MEF2C: variants seen among roughly 807,000 people sequenced by gnomAD.
MEF2C encodes the protein myocyte-specific enhancer factor 2C.
MEF2C carries 6 observed loss-of-function variants against 50.5 expected under a neutral mutation model. The ratio of observed to expected loss-of-function variants is 0.12; its 90% CI spans 0.07 to 0.23. MEF2C has a LOEUF of 0.23. Among genes scored for constraint, MEF2C ranks in the 10% least tolerant of loss-of-function variants. MEF2C has a pLI of 1.00. For missense variants in MEF2C, 276 were observed against 605.0 expected (o/e 0.46, Z 5.70); for synonymous variants, 183 against 228.0 (o/e 0.80, Z 1.78).
intron 7 of MEF2C, 123 bp downstream of exon 7, chr5:88,731,606 T>A: frequency 1.1e-6 from 1 of 882,340 alleles, no homozygotes; most frequent in Non-Finnish European, 1.8e-6. Flanking sequence ...GCTCTGTCAA[T>A]GGCACTGTTA....
chr5:88,764,713 C>T (rs1040048945), intron 3 of MEF2C, among the ~76,000 whole-genome samples: 1 of 146,096 alleles, frequency 6.8e-6, no homozygotes, highest in Non-Finnish European at 1.5e-5. Context: ...GAGGCTGACA[C>T]AGGAAAATCA....
intron 6 of MEF2C, chr5:88,734,204 G>A (rs1262862148): frequency 2.0e-6 from 2 of 985,054 alleles, no homozygotes; most frequent in East Asian, 1.1e-4. Context: ...GAACATCAAG[G>A]TCAATTCTGC....
At chr5:88,867,771 AC>A (rs1827892043) in intron 1 of MEF2C, among the ~76,000 whole-genome samples, 1 of 152,196 alleles carries the variant, frequency 6.6e-6, no homozygotes, top group Admixed American at 6.5e-5. Flanking sequence ...GATCAGTCCT[AC>A]TTTCAACCAC....
intron 1 of MEF2C, among the ~76,000 whole-genome samples, chr5:88,859,963 C>A (rs1353385803): frequency 1.3e-5 from 2 of 152,182 alleles, no homozygotes; most frequent in Non-Finnish European, 2.9e-5. Flanking sequence ...GATAAAGTTT[C>A]TTAAACCATA....
chr5:88,761,007 A>G, intron 4 of MEF2C, 178 bp downstream of exon 4: 1 of 1,610,346 alleles, frequency 6.2e-7, no homozygotes, highest in Non-Finnish European at 8.5e-7. Flanking sequence ...ATGACTCTTG[A>G]TCATATTATC....
intron 1 of MEF2C, among the ~76,000 whole-genome samples, chr5:88,860,782 G>A (rs1381708538): frequency 1.3e-5 from 2 of 151,950 alleles, no homozygotes; most frequent in African/African-American, 4.8e-5. Flanking sequence ...TCCCCCTCTG[G>A]GTTTCACTGA....
intron 1 of MEF2C, among the ~76,000 whole-genome samples, chr5:88,874,514 T>C (rs216057): frequency 0.54 from 81,457 of 151,644 alleles, 22,499 homozygotes; most frequent in African/African-American, 0.65. Context: ...TGCTAATGGG[T>C]CTTGAAAAAG....
At chr5:88,855,089 T>C (rs1021186325) in intron 1 of MEF2C, among the ~76,000 whole-genome samples, 11 of 152,210 alleles carry the variant, frequency 7.2e-5, no homozygotes, top group African/African-American at 2.7e-4. Context: ...CTGTCCTTGC[T>C]GAAGAATCCT....
chr5:88,733,249 G>C, intron 6 of MEF2C: 4 of 985,292 alleles, frequency 4.1e-6, no homozygotes, highest in Non-Finnish European at 4.8e-6. Flanking sequence ...AAAGGGCTGA[G>C]GTAGGAGTTT....
At chr5:88,726,983 G>GA (rs922913026) in intron 10 of MEF2C, among the ~76,000 whole-genome samples, 27 of 151,904 alleles carry the variant, frequency 1.8e-4, no homozygotes, top group African/African-American at 5.8e-4. Context: ...TGAATTTTGT[G>GA]AAAAAAATGG....
chr5:88,763,270 CT>C (rs1778638017), intron 3 of MEF2C, among the ~76,000 whole-genome samples: 1 of 152,138 alleles, frequency 6.6e-6, no homozygotes, highest in Admixed American at 6.5e-5. Flanking sequence ...CACCTGTCCC[CT>C]TATCTTGGAT....
At chr5:88,826,789 C>G (rs2153225651) in intron 1 of MEF2C, among the ~76,000 whole-genome samples, 1 of 151,980 alleles carries the variant, frequency 6.6e-6, no homozygotes, top group East Asian at 1.9e-4. Flanking sequence ...TGAGAACTTT[C>G]ATTACGTACA....
chr5:88,788,178 G>GTTTATTTATTTA (rs70996495), intron 3 of MEF2C, among the ~76,000 whole-genome samples: 2,071 of 89,174 alleles, frequency 0.023, 20 homozygotes, highest in Non-Finnish European at 0.031. Context: ...TTGTTTGTTT[G>GTTTATTTATTTA]TTTATTTATT....
intron 1 of MEF2C, among the ~76,000 whole-genome samples, chr5:88,898,299 G>A (rs577092747): frequency 6.6e-6 from 1 of 152,124 alleles, no homozygotes; most frequent in African/African-American, 2.4e-5. Flanking sequence ...TCAAATTTCT[G>A]TACAATTCTT....
chr5:88,869,115 A>T (rs1403792886), intron 1 of MEF2C, among the ~76,000 whole-genome samples: 2 of 151,630 alleles, frequency 1.3e-5, no homozygotes, highest in African/African-American at 4.8e-5. Context: ...TCTTGCTATA[A>T]TGGCAAAGTT....
chr5:88,749,910 G>T (rs898896502), intron 5 of MEF2C, among the ~76,000 whole-genome samples: 10 of 151,746 alleles, frequency 6.6e-5, no homozygotes, highest in Admixed American at 2.6e-4. Context: ...GGTGCCTGTG[G>T]TCCCAGCTAC....
chr5:88,779,774 T>TTA (rs1554126978), intron 3 of MEF2C, among the ~76,000 whole-genome samples: 2 of 151,774 alleles, frequency 1.3e-5, no homozygotes, highest in South Asian at 4.2e-4. Flanking sequence ...TTTTTTTTTT[T>TTA]ATGTTACAAT....
intron 3 of MEF2C, among the ~76,000 whole-genome samples, chr5:88,784,276 A>G (rs1334835559): frequency 1.3e-5 from 2 of 152,350 alleles, no homozygotes; most frequent in South Asian, 2.1e-4. Flanking sequence ...AGTCAAATCA[A>G]TATCAGCTAC....
intron 3 of MEF2C, among the ~76,000 whole-genome samples, chr5:88,794,529 T>C (rs906609749): frequency 6.6e-6 from 1 of 152,222 alleles, no homozygotes; most frequent in Non-Finnish European, 1.5e-5. Flanking sequence ...TCCTTATAGA[T>C]TCTGGATATT....
Sources: allele counts gnomAD v4.1 joint callset (sites outside exome capture counted in the v4.1 genomes callset), GRCh38; gene constraint gnomAD v4.1.1; transcripts MANE v1.5; gene names NCBI Gene and HGNC (gene_info 2026-07-23, HGNC 2026-07-21).